The following CCNC variants were observed in gnomAD, a reference collection of about 807,000 sequenced individuals.
CCNC encodes the protein cyclin-C.
CCNC carries 19 observed loss-of-function variants against 50.0 expected under a neutral mutation model. The observed-to-expected ratio is 0.38, with a 90% CI of 0.27 to 0.56. The LOEUF is 0.56. Among genes scored for constraint, CCNC ranks in the 20% least tolerant of loss-of-function variants. The pLI, the probability that CCNC is intolerant of heterozygous loss-of-function variation, is 0.72. For missense variants in CCNC, 200 were observed against 327.1 expected (o/e 0.61, Z 3.00); for synonymous variants, 93 against 103.7 (o/e 0.90, Z 0.63).
intron 5 of CCNC, 135 bp from the exon 6 acceptor site, chr6:99,552,030 G>A (rs1018449628): frequency 4.8e-5 from 23 of 479,780 alleles, no homozygotes; most frequent in East Asian, 4.7e-4. Context: ...ACTTACGGAC[G>A]CAGATTTTTA....
intron 9 of CCNC, chr6:99,549,288 C>CTCAA: frequency 2.0e-6 from 1 of 487,862 alleles, no homozygotes; most frequent in Non-Finnish European, 3.6e-6. Context: ...TGAATGGTTT[C>CTCAA]AAAAAAAAAA....
chr6:99,544,196 GGA>G (rs1801983872), intron 11 of CCNC: 6 of 1,522,638 alleles, frequency 3.9e-6, no homozygotes, highest in Non-Finnish European at 5.3e-6. Flanking sequence ...TTTGGCAATA[GGA>G]TTATTGCCTT....
intron 5 of CCNC, among the ~76,000 whole-genome samples, chr6:99,554,773 G>C (rs1320240238): frequency 6.6e-6 from 1 of 152,042 alleles, no homozygotes; most frequent in East Asian, 1.9e-4. Context: ...TTTCTCCAAG[G>C]AGCCCTGGTA....
intron 5 of CCNC, among the ~76,000 whole-genome samples, chr6:99,553,577 AT>A (rs2114318575): frequency 6.6e-6 from 1 of 152,096 alleles, no homozygotes; most frequent in East Asian, 1.9e-4. Flanking sequence ...AACTCCTGCT[AT>A]TTTTTTCATC....
intron 5 of CCNC, among the ~76,000 whole-genome samples, chr6:99,555,737 T>G (rs1027295692): frequency 2.0e-5 from 3 of 152,176 alleles, no homozygotes; most frequent in Admixed American, 6.6e-5. Context: ...CCACCATACC[T>G]GGCCTGTGCA....
rs75129678 is a variant in CCNC at position 99,544,922 on chromosome 6, C to G, written c.797+190G>C. Among the ~76,000 whole-genome samples, 174 of 152,074 alleles carry G rather than the reference C, an allele frequency of 1.1e-3. 1 individual carries two copies. Among genetic ancestry groups the G allele is most frequent in the African/African-American group, 4.0e-3 (167 of 41,502 alleles). On this transcript the variant is annotated intron_variant, in intron 11 of 11. Coordinates refer to ENST00000520429, the MANE Select transcript of CCNC (RefSeq NM_005190.4). ...ACCTCCACTGCATTAGGAAAAGTTA[C>G]TAATCAGATTAGTGATTTTTTTAAA...
At chr6:99,561,495 A>C in intron 3 of CCNC, 59 bp from the exon 4 acceptor site, 1 of 1,394,434 alleles carries the variant, frequency 7.2e-7, no homozygotes, top group Non-Finnish European at 9.9e-7. Context: ...CTGGGAAAAA[A>C]ATCAAGATAA....
intron 11 of CCNC, chr6:99,544,353 A>G: frequency 7.7e-7 from 1 of 1,300,344 alleles, no homozygotes; most frequent in Admixed American, 2.2e-5. Flanking sequence ...ACTTTTTCCA[A>G]ATTGTAACAT....
rs762926221 is a variant in CCNC at position 99,551,840 on chromosome 6, A to G, written c.402T>C (p.His134=). ...GTTCCATTTTATATCATATACTTAC[A>G]TGATTCATCCTATAAGGAAATTCCT... The part of the protein sequence containing the change: ...FPKEFPYRMN[H]ILECEFYLLE... Residue 134 remains histidine, a splice_region_variant and synonymous_variant, in exon 6 of 12, where the codon CAT becomes CAC. Coordinates refer to ENST00000520429, the MANE Select transcript of CCNC (RefSeq NM_005190.4). 2.1e-6 allele frequency: 3 copies of G among 1,424,570 alleles called. No homozygotes were observed. The highest frequency in any genetic ancestry group is 2.9e-5 in the African/African-American group (2 of 67,952). 88.2% of individuals were successfully genotyped at this position (1,424,570 alleles called of 1,614,324 possible).
Position 99,568,590 on chromosome 6 carries a change from G to A in CCNC, c.-63C>T. ...CGGAGCGGCCCGCGGAGCGACCATA[G>A]ACCCAGCCCGTCCGGTAACCGCGCT... is the stretch of plus-strand genomic sequence containing the variant. On this transcript the variant is annotated 5_prime_UTR_variant, in exon 1 of 12. Transcript: ENST00000520429. The A allele has an allele frequency of 1.3e-6, 2 of 1,587,014 alleles. No individual in the cohort carries two copies. Among genetic ancestry groups the A allele is most frequent in the Non-Finnish European group, 1.7e-6 (2 of 1,167,640 alleles).
intron 7 of CCNC, 82 bp downstream of exon 7, chr6:99,550,911 C>A: frequency 1.3e-6 from 1 of 743,782 alleles, no homozygotes; most frequent in South Asian, 2.4e-5. Context: ...ATGTACCTCT[C>A]TAAAATCATT....
chr6:99,546,439 C>G lies in CCNC; in HGVS notation c.634G>C (p.Asp212His). The G allele has an allele frequency of 6.2e-7, 1 of 1,613,692 alleles. No individual in the cohort carries two copies. The highest frequency in any genetic ancestry group is 1.1e-5 in the South Asian group (1 of 91,040). Residue 212 changes from aspartate (D) to histidine (H), a missense_variant, in exon 10 of 12, where the codon GAT becomes CAT. Physicochemically the swap from Asp to His is moderately conservative, Grantham distance 81 (BLOSUM62 -1). Coordinates refer to ENST00000520429, the MANE Select transcript of CCNC (RefSeq NM_005190.4). ...LHVACVVQQK[D>H]ARQWFAELSV... is the part of the protein sequence containing the mutation. ...AGCTCAGCAAACCATTGCCTGGCATCTTTCTGCTGTACAACACAGGCTACA... is the reference window on the plus strand; with the variant it reads ...AGCTCAGCAAACCATTGCCTGGCATGTTTCTGCTGTACAACACAGGCTACA...
chr6:99,568,661 G>A (rs1769267780), upstream of CCNC: 3 of 1,521,882 alleles, frequency 2.0e-6, no homozygotes, highest in Non-Finnish European at 2.6e-6. Flanking sequence ...CGGCGGCGAC[G>A]GCGAAAGGAA....
chr6:99,558,421 A>C (rs1246958837), intron 5 of CCNC, 76 bp downstream of exon 5: 1 of 1,399,552 alleles, frequency 7.1e-7, no homozygotes, highest in Non-Finnish European at 9.6e-7. Context: ...TCATAAACTA[A>C]AAAAAAAAAA....
intron 1 of CCNC, chr6:99,568,285 C>A: frequency 1.0e-5 from 6 of 590,302 alleles, no homozygotes; most frequent in Non-Finnish European, 1.8e-5. Flanking sequence ...ACCCCTCCCC[C>A]TCACAGATCC....
At chr6:99,548,083 G>A (rs1802141138) in intron 9 of CCNC, among the ~76,000 whole-genome samples, 1 of 152,180 alleles carries the variant, frequency 6.6e-6, no homozygotes, top group African/African-American at 2.4e-5. Context: ...AGTCTGAGGT[G>A]CTGGTGGGAT....
Position 99,550,110 on chromosome 6 carries a change from T to C in CCNC, c.530+108A>G, listed in dbSNP as rs188738728. The stretch of plus-strand genomic sequence containing the variant: ...GTGGTATTTTGCTCAACATAAAATA[T>C]CTTGGGGCAATAGTTTAATGACTTT... On this transcript the variant is annotated intron_variant, in intron 8 of 11. Transcript: ENST00000520429. 54 of 729,046 alleles carry C rather than the reference T, an allele frequency of 7.4e-5. No homozygotes were observed. In the East Asian group the frequency reaches 9.7e-4, roughly 13 times the overall value. The allele number at this position is 729,046 out of a possible 1,614,324, so 45.2% of individuals were successfully genotyped here.
intron 8 of CCNC, among the ~76,000 whole-genome samples, chr6:99,549,914 ACTAC>A (rs1173082239): frequency 2.0e-5 from 3 of 152,082 alleles, no homozygotes; most frequent in Non-Finnish European, 4.4e-5. Flanking sequence ...TATGTTGCAG[ACTAC>A]CAAAAAGTAT....
At chr6:99,568,782 G>T, upstream of CCNC, 1 of 1,223,924 alleles carries the variant, frequency 8.2e-7, no homozygotes, top group Non-Finnish European at 1.1e-6. Flanking sequence ...CGGAGGGGAG[G>T]TGCTGACCCT....
Sources: gnomAD v4.1 joint callset for allele counts (sites outside exome capture counted in the v4.1 genomes callset) on GRCh38, gnomAD v4.1.1 for gene constraint, MANE v1.5 for transcripts, NCBI Gene and HGNC (gene_info 2026-07-23, HGNC 2026-07-21) for gene names.